The following SMARCA2 variants were observed in gnomAD, a reference collection of about 807,000 sequenced individuals.
The protein encoded by SMARCA2 is SWI/SNF related BAF chromatin remodeling complex subunit ATPase 2, also known as SWI/SNF-related matrix-associated actin-dependent regulator of chromatin subfamily A member 2.
A neutral mutation model predicts 199.8 loss-of-function variants in SMARCA2; 61 were observed. That is an observed-to-expected ratio of 0.31 (90% CI 0.25 to 0.38). The LOEUF is 0.38. Ranked by LOEUF, SMARCA2 falls within the 10% of genes least tolerant of loss-of-function variation. The pLI, the probability that SMARCA2 is intolerant of heterozygous loss-of-function variation, is 1.00. For missense variants in SMARCA2, 1,344 were observed against 2,012.2 expected, an observed-to-expected ratio of 0.67 and a Z score of 6.35; for synonymous variants, 935 against 732.0, an observed-to-expected ratio of 1.28 and a Z score of -4.48.
intron 18 of SMARCA2, chr9:2,087,474 T>C (rs1339182692): frequency 6.0e-6 from 1 of 165,326 alleles, no homozygotes; most frequent in Non-Finnish European, 1.3e-5. Flanking sequence ...TGGAGTTCCC[T>C]TTAAAATATT....
rs963144894 is a variant in SMARCA2, at chr9:2,169,390, C to T, written c.4200-1029C>T. ...TTAGCGTAGGAGAATTGTTATCTTCCACAGTCTGAACCTTCGGATCTTCCC... is the reference window on the plus strand; with the variant it reads ...TTAGCGTAGGAGAATTGTTATCTTCTACAGTCTGAACCTTCGGATCTTCCC... On this transcript the variant is annotated intron_variant, in intron 28 of 33. Coordinates refer to ENST00000349721, the MANE Select transcript of SMARCA2 (RefSeq NM_003070.5). The surrounding 1 kb of genome is among the most constrained non-coding windows in gnomAD (Gnocchi z 6.5). Among the ~76,000 whole-genome samples, 4 of 152,168 alleles carry T rather than the reference C, an allele frequency of 2.6e-5. No homozygotes were observed. The highest frequency in any genetic ancestry group is 4.4e-5 in the Non-Finnish European group (3 of 68,030).
intron 17 of SMARCA2, among the ~76,000 whole-genome samples, chr9:2,084,405 T>TGTGG (rs1554623529): frequency 7.3e-5 from 11 of 151,404 alleles, no homozygotes; most frequent in African/African-American, 2.7e-4. Context: ...TGTGTGTGTG[T>TGTGG]GTGTGTGTGT....
intron 1 of SMARCA2, among the ~76,000 whole-genome samples, chr9:2,027,979 C>G (rs1818904496): frequency 6.6e-6 from 1 of 152,208 alleles, no homozygotes; most frequent in African/African-American, 2.4e-5. Context: ...GGCTCATAGC[C>G]AAGATGCAGT....
chr9:2,044,958 A>C (rs182153267), intron 4 of SMARCA2: 1 of 152,332 alleles, frequency 6.6e-6, no homozygotes, highest in Admixed American at 6.5e-5. Context: ...TGGACCAGAG[A>C]TGAAAGATAT....
At chr9:2,083,949 T>A (rs1215026533) in intron 16 of SMARCA2, 137 bp from the exon 17 acceptor site, 5 of 574,098 alleles carry the variant, frequency 8.7e-6, no homozygotes, top group Non-Finnish European at 1.2e-5. Context: ...TCCTCGTGTA[T>A]AATAGATCAG....
At position 2,056,560 on chromosome 9, in the gene SMARCA2, T is replaced by C. The variant is rs1024985575; in HGVS notation, c.1174-112T>C. On this transcript the variant is annotated intron_variant, in intron 6 of 33. Coordinates refer to ENST00000349721, the MANE Select transcript of SMARCA2 (RefSeq NM_003070.5). This position sits in a 1 kb window ranked among gnomAD's most constrained non-coding sequence, Gnocchi z 4.0. ...ACAAACCAAAGGTGATTGAGAAGCT[T>C]GTGGAGATTCCCCGCCCCACTCTAT... 14 of 887,010 alleles carry C rather than the reference T, an allele frequency of 1.6e-5. No individual in the cohort carries two copies. Among genetic ancestry groups the C allele is most frequent in the Non-Finnish European group, 2.2e-5 (13 of 591,296 alleles). 54.9% of individuals were successfully genotyped at this position (887,010 alleles called of 1,614,324 possible).
At chr9:2,045,856 C>CACACACAA (rs1328047938) in intron 4 of SMARCA2, 1 of 151,698 alleles carries the variant, frequency 6.6e-6, no homozygotes, top group African/African-American at 2.4e-5. Context: ...CACACACACA[C>CACACACAA]ACGACACAAA....
intron 23 of SMARCA2, among the ~76,000 whole-genome samples, chr9:2,106,895 T>C (rs2130566421): frequency 6.6e-6 from 1 of 152,362 alleles, no homozygotes; most frequent in East Asian, 1.9e-4. Context: ...TGACAGTGTG[T>C]TCCTTCTGGT....
intron 29 of SMARCA2, among the ~76,000 whole-genome samples, chr9:2,175,015 T>C (rs913764752): frequency 3.3e-5 from 5 of 150,230 alleles, no homozygotes; most frequent in Non-Finnish European, 7.4e-5. Context: ...ACGTGTGGGT[T>C]CTTACATTTT....
At position 2,077,701 on chromosome 9, in the gene SMARCA2, C is replaced by T. The variant is rs556117096; in HGVS notation, c.2109C>T (p.Thr703=). ...YSARGSQSYY[T]VAHAISERVE... ...CCAGGGGCTCCCAGTCCTACTACACCGTGGCTCATGCCATCTCGGAGAGGG... is the reference window on the plus strand; with the variant it reads ...CCAGGGGCTCCCAGTCCTACTACACTGTGGCTCATGCCATCTCGGAGAGGG... The change falls in exon 14 of 34, where the codon ACC becomes ACT. Residue 703 remains threonine, a synonymous_variant. Coordinates refer to ENST00000349721, the MANE Select transcript of SMARCA2 (RefSeq NM_003070.5). The T allele has an allele frequency of 2.4e-5, 39 of 1,613,880 alleles. 2 individuals are homozygous for T. The highest frequency in any genetic ancestry group is 1.7e-4 in the Middle Eastern group (1 of 6,058).
chr9:2,136,557 C>T (rs1419121576), intron 27 of SMARCA2, among the ~76,000 whole-genome samples: 2 of 152,142 alleles, frequency 1.3e-5, no homozygotes, highest in South Asian at 4.1e-4. Context: ...AAAGCAAATT[C>T]AATTCAACAT....
At chr9:2,128,994 C>G (rs1463708492) in intron 27 of SMARCA2, among the ~76,000 whole-genome samples, 2 of 152,212 alleles carry the variant, frequency 1.3e-5, no homozygotes, top group African/African-American at 2.4e-5. Context: ...CCCGAGGCCC[C>G]CCACACTTTT....
At chr9:2,102,467 A>G (rs918813106) in intron 22 of SMARCA2, among the ~76,000 whole-genome samples, 1 of 152,214 alleles carries the variant, frequency 6.6e-6, no homozygotes, top group Non-Finnish European at 1.5e-5. Context: ...GTTAGAAATA[A>G]CATATCCTGT....
At chr9:2,083,290 A>G in intron 15 of SMARCA2, 57 bp from the exon 16 acceptor site, 2 of 1,146,582 alleles carry the variant, frequency 1.7e-6, no homozygotes, top group African/African-American at 3.2e-5. Flanking sequence ...CATCTTTTTA[A>G]CCATTGATTT....
intron 29 of SMARCA2, among the ~76,000 whole-genome samples, chr9:2,172,896 C>T (rs1233948864): frequency 1.3e-5 from 2 of 152,166 alleles, no homozygotes; most frequent in Non-Finnish European, 2.9e-5. Context: ...TCGGAAATGT[C>T]ACTGATAGTC....
intron 22 of SMARCA2, among the ~76,000 whole-genome samples, chr9:2,102,865 T>C (rs995983364): frequency 2.6e-5 from 4 of 152,004 alleles, no homozygotes; most frequent in African/African-American, 7.2e-5. Flanking sequence ...GTATAGCTCA[T>C]AGAGCCCTAA....
intron 29 of SMARCA2, among the ~76,000 whole-genome samples, chr9:2,179,995 G>A (rs1182174733): frequency 6.6e-6 from 1 of 152,202 alleles, no homozygotes; most frequent in Non-Finnish European, 1.5e-5. Context: ...AGAAATTGTG[G>A]CCCTGTGTTG....
At chr9:2,144,107 C>T (rs1368874537) in intron 27 of SMARCA2, among the ~76,000 whole-genome samples, 1 of 152,038 alleles carries the variant, frequency 6.6e-6, no homozygotes, top group Non-Finnish European at 1.5e-5. Flanking sequence ...AGGGGGCAGT[C>T]AATCATTAGA....
In SMARCA2 at chr9:2,161,474, T is replaced by A. The variant is rs1435525094; in HGVS notation, c.3982-212T>A. ...TTGGGCCTTCAGTGTGTTTTGCTCA[T>A]GAAACAGACTTGAGTTAAAGATGCA... On this transcript the variant is annotated intron_variant, in intron 27 of 33. Transcript: ENST00000349721. The surrounding 1 kb of genome is among the most constrained non-coding windows in gnomAD (Gnocchi z 4.7). 6.6e-6 allele frequency among the ~76,000 whole-genome samples: 1 copy of A among 152,238 alleles called. No homozygotes were observed. The highest frequency in any genetic ancestry group is 1.5e-5 in the Non-Finnish European group (1 of 68,032).
Sources: allele counts gnomAD v4.1 joint callset (sites outside exome capture counted in the v4.1 genomes callset), GRCh38; gene constraint gnomAD v4.1.1; non-coding constraint Gnocchi (gnomAD v3.1); transcripts MANE v1.5; gene names NCBI Gene and HGNC (gene_info 2026-07-23, HGNC 2026-07-21).